RASAL2: variants seen among roughly 807,000 people sequenced by gnomAD.
RASAL2 encodes the protein RAS protein activator like 2, also known as ras GTPase-activating protein nGAP.
In RASAL2, 58 loss-of-function variants were observed where a neutral mutation model predicts 128.9. The ratio of observed to expected loss-of-function variants is 0.45; its 90% CI spans 0.36 to 0.56. RASAL2 has a LOEUF of 0.56. Among genes scored for constraint, RASAL2 ranks in the 20% least tolerant of loss-of-function variants. The probability of loss-of-function intolerance (pLI) is 0.00; values close to 1 mark genes in which losing one functional copy is unlikely to be tolerated. For missense variants in RASAL2, 1,360 were observed against 1,601.6 expected, an observed-to-expected ratio of 0.85 and a Z score of 2.57; for synonymous variants, 561 against 580.8, an observed-to-expected ratio of 0.97 and a Z score of 0.49.
At chr1:178,238,599 T>G (rs994664574) in intron 1 of RASAL2, among the ~76,000 whole-genome samples, 1 of 151,962 alleles carries the variant, frequency 6.6e-6, no homozygotes, top group African/African-American at 2.4e-5. Context: ...TGTGTGTATG[T>G]GTGTATATAC....
chr1:178,230,381 A>G (rs1055518739), intron 1 of RASAL2, among the ~76,000 whole-genome samples: 5 of 152,214 alleles, frequency 3.3e-5, no homozygotes, highest in African/African-American at 7.2e-5. Context: ...AACATGTTCC[A>G]TAGAAATTGT....
At chr1:178,168,545 C>T (rs1022695520) in intron 1 of RASAL2, among the ~76,000 whole-genome samples, 2 of 152,024 alleles carry the variant, frequency 1.3e-5, no homozygotes, top group Non-Finnish European at 2.9e-5. Flanking sequence ...ATGATATTCT[C>T]TAGACCTAAA....
chr1:178,132,119 T>C lies in RASAL2; in HGVS notation c.202+37425T>C, dbSNP rs1476238162. Among the ~76,000 whole-genome samples, 6 of 152,044 alleles carry C rather than the reference T, an allele frequency of 3.9e-5. No homozygotes were observed. In the East Asian group the frequency reaches 1.2e-3, roughly 29 times the overall value. ...TTGCTCTGCCACCCACACTGGAGTG[T>C]AGCCTCAAACTCCTGGGCTGTAGCC... On this transcript the variant is annotated intron_variant, in intron 1 of 17. Coordinates refer to ENST00000367649, the MANE Select transcript of RASAL2 (RefSeq NM_170692.4).
chr1:178,171,121 G>T (rs749399735), intron 1 of RASAL2, among the ~76,000 whole-genome samples: 2 of 151,874 alleles, frequency 1.3e-5, no homozygotes, highest in African/African-American at 4.8e-5. Context: ...TCCACAGAAC[G>T]TATGGAGTAT....
At chr1:178,260,430 C>G (rs1162243755) in intron 1 of RASAL2, among the ~76,000 whole-genome samples, 6 of 101,140 alleles carry the variant, frequency 5.9e-5, no homozygotes, top group African/African-American at 2.3e-4. Flanking sequence ...ATAATTTTAG[C>G]AAACTGGAAG....
At chr1:178,128,867 C>CT (rs1031210978) in intron 1 of RASAL2, among the ~76,000 whole-genome samples, 8 of 151,704 alleles carry the variant, frequency 5.3e-5, no homozygotes, top group Admixed American at 1.3e-4. Flanking sequence ...GTACTTCATT[C>CT]TTTTTTTTGG....
At chr1:178,148,140 A>G (rs539392543) in intron 1 of RASAL2, among the ~76,000 whole-genome samples, 59 of 151,988 alleles carry the variant, frequency 3.9e-4, no homozygotes, top group Non-Finnish European at 7.1e-4. Flanking sequence ...ATAAGCATCT[A>G]CACTGGAGTA....
At chr1:178,357,515 T>C (rs1016569372) in intron 3 of RASAL2, among the ~76,000 whole-genome samples, 1 of 152,142 alleles carries the variant, frequency 6.6e-6, no homozygotes, top group African/African-American at 2.4e-5. Flanking sequence ...CTTACTGATA[T>C]AGGGAATTCT....
At chr1:178,371,647 T>TA in intron 3 of RASAL2, among the ~76,000 whole-genome samples, 2 of 152,092 alleles carry the variant, frequency 1.3e-5, no homozygotes, top group South Asian at 4.2e-4. Flanking sequence ...GAAATCTTCG[T>TA]AAAGGGGGCT....
intron 5 of RASAL2, among the ~76,000 whole-genome samples, chr1:178,421,465 G>A (rs568511709): frequency 2.0e-5 from 3 of 151,874 alleles, no homozygotes; most frequent in African/African-American, 4.8e-5. Flanking sequence ...TGTGCCATAC[G>A]TGTTAAATGT....
At chr1:178,235,452 T>C (rs1664188723) in intron 1 of RASAL2, among the ~76,000 whole-genome samples, 1 of 152,176 alleles carries the variant, frequency 6.6e-6, no homozygotes, top group Non-Finnish European at 1.5e-5. Flanking sequence ...ATAATATGTA[T>C]ATGGAAGCAC....
chr1:178,262,638 AAT>A (rs1202417235), intron 1 of RASAL2, among the ~76,000 whole-genome samples: 1 of 152,200 alleles, frequency 6.6e-6, no homozygotes, highest in Non-Finnish European at 1.5e-5. Context: ...CCTGTAGAGA[AAT>A]AGATGAAGAA....
intron 1 of RASAL2, among the ~76,000 whole-genome samples, chr1:178,165,001 C>T (rs1331181940): frequency 6.6e-6 from 1 of 151,884 alleles, no homozygotes; most frequent in African/African-American, 2.4e-5. Context: ...ATTTACATTG[C>T]ATTTATATTA....
intron 4 of RASAL2, among the ~76,000 whole-genome samples, chr1:178,400,203 T>G (rs1673523900): frequency 6.6e-6 from 1 of 152,212 alleles, no homozygotes; most frequent in African/African-American, 2.4e-5. Flanking sequence ...GTACTGCCTT[T>G]CCAGACTCAT....
At chr1:178,131,421 T>A (rs1315249419) in intron 1 of RASAL2, among the ~76,000 whole-genome samples, 1 of 146,352 alleles carries the variant, frequency 6.8e-6, no homozygotes, top group Non-Finnish European at 1.5e-5. Context: ...GGGTACGTAT[T>A]TGTTGCCGAG....
chr1:178,231,928 ATTGG>A (rs1454026460), intron 1 of RASAL2, among the ~76,000 whole-genome samples: 6 of 152,182 alleles, frequency 3.9e-5, no homozygotes, highest in African/African-American at 1.4e-4. Context: ...AAATGCAGTT[ATTGG>A]TTGATGATAA....
intron 1 of RASAL2, among the ~76,000 whole-genome samples, chr1:178,280,751 T>G (rs1287301271): frequency 3.9e-5 from 6 of 152,160 alleles, no homozygotes; most frequent in Non-Finnish European, 5.9e-5. Context: ...AAAATTGTTT[T>G]CAGTTTTGCT....
intron 1 of RASAL2, among the ~76,000 whole-genome samples, chr1:178,181,345 T>G (rs1300460070): frequency 6.6e-6 from 1 of 151,928 alleles, no homozygotes; most frequent in African/African-American, 2.4e-5. Flanking sequence ...TAAATAAATT[T>G]CCTACTTGAT....
intron 1 of RASAL2, among the ~76,000 whole-genome samples, chr1:178,097,898 G>A (rs1006061293): frequency 9.2e-5 from 14 of 152,100 alleles, no homozygotes; most frequent in Non-Finnish European, 1.3e-4. Context: ...TATACTCAGG[G>A]TTTTGTGTAT....
Sources: allele counts gnomAD v4.1 joint callset (sites outside exome capture counted in the v4.1 genomes callset), GRCh38; gene constraint gnomAD v4.1.1; transcripts MANE v1.5; gene names NCBI Gene and HGNC (gene_info 2026-07-23, HGNC 2026-07-21).